SORBS2: variants seen among roughly 807,000 people sequenced by gnomAD.
The protein encoded by SORBS2 is sorbin and SH3 domain containing 2.
Under a neutral mutation model 97.7 loss-of-function variants are expected in SORBS2, and 46 were observed. The ratio of observed to expected loss-of-function variants is 0.47; its 90% CI spans 0.37 to 0.60. The LOEUF (loss-of-function observed/expected upper bound fraction) is 0.60. SORBS2 is among the 20% of genes least tolerant of loss of function. SORBS2 has a pLI of 0.00. For missense variants in SORBS2, 1,316 were observed against 1,282.3 expected (o/e 1.03, Z -0.40); for synonymous variants, 476 against 473.4 (o/e 1.01, Z -0.07).
intron 2 of SORBS2, chr4:185,757,182 T>G (rs1358668092): frequency 1.4e-5 from 5 of 357,850 alleles, no homozygotes; most frequent in Non-Finnish European, 2.6e-5. Context: ...TTTAGTCCAC[T>G]TCTTTGGATC....
At chr4:185,806,816 A>G (rs913721496) in intron 1 of SORBS2, among the ~76,000 whole-genome samples, 1 of 152,168 alleles carries the variant, frequency 6.6e-6, no homozygotes, top group African/African-American at 2.4e-5. Context: ...TTGCAGCTAT[A>G]TTAGTCTCTG....
intron 2 of SORBS2, among the ~76,000 whole-genome samples, chr4:185,687,027 A>G (rs987635162): frequency 2.0e-5 from 3 of 152,218 alleles, no homozygotes; most frequent in Non-Finnish European, 4.4e-5. Context: ...AAAAGCAAGT[A>G]CCATCTGAAG....
chr4:185,921,122 C>T (rs1485003736), intron 1 of SORBS2, among the ~76,000 whole-genome samples: 2 of 152,216 alleles, frequency 1.3e-5, no homozygotes, highest in African/African-American at 2.4e-5. Context: ...AATCAGATAG[C>T]TCATGGCTTA....
At chr4:185,677,087 C>G in intron 4 of SORBS2, 1 of 1,551,604 alleles carries the variant, frequency 6.4e-7, no homozygotes, top group Non-Finnish European at 8.7e-7. Context: ...CTGGAGAAAG[C>G]TCAGGTAGCT....
intron 2 of SORBS2, among the ~76,000 whole-genome samples, chr4:185,652,387 A>G (rs2097330068): frequency 6.6e-6 from 1 of 152,158 alleles, no homozygotes; most frequent in Non-Finnish European, 1.5e-5. Flanking sequence ...CAACACACCA[A>G]TTTAGACTGT....
intron 1 of SORBS2, among the ~76,000 whole-genome samples, chr4:185,836,799 C>G (rs2099208353): frequency 1.3e-5 from 2 of 152,172 alleles, no homozygotes; most frequent in African/African-American, 4.8e-5. Flanking sequence ...AATTTTAACA[C>G]TTAAAAGTGT....
At chr4:185,756,907 T>C in intron 2 of SORBS2, 1 of 1,149,106 alleles carries the variant, frequency 8.7e-7, no homozygotes, top group South Asian at 1.2e-5. Flanking sequence ...AATTCCTGAA[T>C]GGTCCATATT....
chr4:185,616,938 G>A (rs1201897853), intron 9 of SORBS2, among the ~76,000 whole-genome samples: 4 of 152,072 alleles, frequency 2.6e-5, no homozygotes, highest in East Asian at 3.9e-4. Flanking sequence ...CAGTAGAGAC[G>A]GGGTTTCACC....
chr4:185,741,404 G>GT (rs58376567), intron 2 of SORBS2, among the ~76,000 whole-genome samples: 57,262 of 111,742 alleles, frequency 0.51, 15,356 homozygotes, highest in Non-Finnish European at 0.56. Context: ...TTTTTTTTTT[G>GT]TTTTTTTTTT....
At chr4:185,646,383 A>T (rs759575506) in intron 4 of SORBS2, 16 of 260,940 alleles carry the variant, frequency 6.1e-5, no homozygotes, top group Non-Finnish European at 9.5e-5. Context: ...ACATGTGTAT[A>T]TATGTGTATG....
intron 1 of SORBS2, among the ~76,000 whole-genome samples, chr4:185,654,760 C>T (rs950072706): frequency 2.0e-5 from 3 of 152,126 alleles, no homozygotes; most frequent in African/African-American, 4.8e-5. Context: ...TACTTTTGTA[C>T]GTAAAATCAT....
chr4:185,930,819 A>G (rs533606796), intron 1 of SORBS2, among the ~76,000 whole-genome samples: 16 of 152,356 alleles, frequency 1.1e-4, no homozygotes, highest in African/African-American at 3.8e-4. Context: ...TGTGATGGAA[A>G]AAGTAATAAT....
At chr4:185,927,601 TTAAG>T (rs1359701854) in intron 1 of SORBS2, among the ~76,000 whole-genome samples, 8 of 152,200 alleles carry the variant, frequency 5.3e-5, no homozygotes, top group Non-Finnish European at 1.2e-4. Context: ...AGGCTCCTAA[TTAAG>T]TATTAGTCAA....
intron 1 of SORBS2, among the ~76,000 whole-genome samples, chr4:185,954,362 C>T (rs2099278617): frequency 6.6e-6 from 1 of 152,026 alleles, no homozygotes; most frequent in Non-Finnish European, 1.5e-5. Context: ...AATCTTAAAA[C>T]TTTGAATTTT....
At chr4:185,845,102 T>G (rs1156274907) in intron 1 of SORBS2, among the ~76,000 whole-genome samples, 3 of 151,300 alleles carry the variant, frequency 2.0e-5, no homozygotes, top group Admixed American at 1.3e-4. Flanking sequence ...AGCCTCATCC[T>G]CCTGGGCTCA....
intron 14 of SORBS2, among the ~76,000 whole-genome samples, chr4:185,588,609 T>TCCTCCTCCTCCTC (rs1561252758): frequency 1.5e-4 from 23 of 149,354 alleles, no homozygotes; most frequent in African/African-American, 2.9e-4. Flanking sequence ...TCCTCCTCCC[T>TCCTCCTCCTCCTC]CCTCCTCCTC....
intron 1 of SORBS2, among the ~76,000 whole-genome samples, chr4:185,867,406 C>A (rs910680332): frequency 2.0e-4 from 30 of 152,096 alleles, no homozygotes; most frequent in African/African-American, 6.5e-4. Context: ...CAAGATGATC[C>A]CTCTTCACCT....
chr4:185,724,742 T>C (rs1296762125), intron 2 of SORBS2, among the ~76,000 whole-genome samples: 1 of 152,194 alleles, frequency 6.6e-6, no homozygotes, highest in East Asian at 1.9e-4. Flanking sequence ...GAATCCACCA[T>C]GGACGCTCAT....
chr4:185,587,979 G>C (rs1005934502), intron 14 of SORBS2: 8 of 308,756 alleles, frequency 2.6e-5, no homozygotes, highest in Admixed American at 4.8e-5. Flanking sequence ...TGCTGAGGAG[G>C]GGGGCGGAGG....
Sources: allele counts gnomAD v4.1 joint callset (sites outside exome capture counted in the v4.1 genomes callset), GRCh38; gene constraint gnomAD v4.1.1; transcripts MANE v1.5; gene names NCBI Gene and HGNC (gene_info 2026-07-23, HGNC 2026-07-21).